Variants in TIMP2 observed in about 807,000 individuals in gnomAD.
TIMP2 encodes TIMP metallopeptidase inhibitor 2.
A neutral mutation model predicts 24.3 loss-of-function variants in TIMP2; 5 were observed. The observed-to-expected ratio is 0.21, with a 90% CI of 0.11 to 0.43. TIMP2 has a LOEUF of 0.43. Among genes scored for constraint, TIMP2 ranks in the 20% least tolerant of loss-of-function variants. The pLI is 1.00. For synonymous variants in TIMP2, 130 were observed against 123.2 expected (o/e 1.06, Z -0.37); for missense variants, 221 against 297.5 (o/e 0.74, Z 1.89).
At chr17:78,907,244 A>G (rs2145789913) in intron 1 of TIMP2, among the ~76,000 whole-genome samples, 1 of 151,320 alleles carries the variant, frequency 6.6e-6, no homozygotes, top group South Asian at 2.1e-4. Flanking sequence ...CGTGTTGCCC[A>G]GGCTGGTCTC....
At position 78,883,141 on chromosome 17, in the gene TIMP2, C is replaced by T. The variant is rs536983145; in HGVS notation, c.131-9222G>A. Among the ~76,000 whole-genome samples the T allele has an allele frequency of 5.3e-5, 8 of 152,372 alleles. No individual in the cohort carries two copies. The South Asian group carries it at 1.7e-3, about 32-fold the overall frequency. On this transcript the variant is annotated intron_variant, in intron 1 of 4. Transcript: ENST00000262768. ...ACCCACCCTCAGGTCCTCCAACCTC[C>T]TCGGCCCCCGGAAGCCAGCAACGGG...
At chr17:78,893,405 GTGTGTGCA>G (rs2069945448) in intron 1 of TIMP2, among the ~76,000 whole-genome samples, 1 of 128,288 alleles carries the variant, frequency 7.8e-6, no homozygotes, top group African/African-American at 3.5e-5. Context: ...ATGCAGGGGT[GTGTGTGCA>G]TAGGGGTGTG....
intron 3 of TIMP2, among the ~76,000 whole-genome samples, chr17:78,869,034 T>C (rs1467138436): frequency 2.0e-5 from 3 of 152,170 alleles, no homozygotes; most frequent in Admixed American, 1.3e-4. Context: ...AGTGCTGAGA[T>C]TGAGAATCCT....
In TIMP2 at chr17:78,891,343, A is replaced by T. The variant is rs547365048; in HGVS notation, c.131-17424T>A. The stretch of plus-strand genomic sequence containing the variant: ...CCATTTTCTTCCCTCTTGGGGTCCC[A>T]GCGCCACACTCTTGCATCTCTGAGA... On this transcript the variant is annotated intron_variant, in intron 1 of 4. Transcript: ENST00000262768. The surrounding 1 kb of genome is among the most constrained non-coding windows in gnomAD (Gnocchi z 4.5). The T allele has an allele frequency of 3.9e-6, 6 of 1,550,244 alleles. No individual in the cohort carries two copies. Among genetic ancestry groups the T allele is most frequent in the Non-Finnish European group, 4.4e-6 (5 of 1,146,930 alleles).
chr17:78,922,297 A>T (rs1363792665), intron 1 of TIMP2: 1 of 152,220 alleles, frequency 6.6e-6, no homozygotes, highest in Non-Finnish European at 1.5e-5. Context: ...CTACCCTGGG[A>T]TGTCCTGGGT....
chr17:78,878,030 C>T (rs575703706), intron 1 of TIMP2, among the ~76,000 whole-genome samples: 1 of 152,168 alleles, frequency 6.6e-6, no homozygotes, highest in African/African-American at 2.4e-5. Flanking sequence ...CAATGGTCCA[C>T]TAAGCCGCAC....
chr17:78,887,574 G>A lies in TIMP2; in HGVS notation c.131-13655C>T, dbSNP rs147414192. ...TAATTTCCGTATTTTTAGTAGAGAC[G>A]GGGTTTCACCCTGTTGGCCAGGCTG... On this transcript the variant is annotated intron_variant, in intron 1 of 4. Coordinates refer to ENST00000262768, the MANE Select transcript of TIMP2 (RefSeq NM_003255.5). 2.2e-3 allele frequency among the ~76,000 whole-genome samples: 333 copies of A among 152,064 alleles called. 1 individual carries two copies. Among genetic ancestry groups the A allele is most frequent in the African/African-American group, 7.6e-3 (316 of 41,484 alleles).
intron 2 of TIMP2, among the ~76,000 whole-genome samples, chr17:78,873,113 T>A (rs985129789): frequency 1.3e-5 from 2 of 151,942 alleles, no homozygotes; most frequent in African/African-American, 4.8e-5. Context: ...TGTGCCTGGT[T>A]TACTTTTTAT....
At chr17:78,906,169 C>G (rs6501263) in intron 1 of TIMP2, among the ~76,000 whole-genome samples, 83,845 of 151,718 alleles carry the variant, frequency 0.55, 23,797 homozygotes, top group African/African-American at 0.69. Flanking sequence ...CCAGGAGTTT[C>G]AGACCAGCCA....
intron 3 of TIMP2, among the ~76,000 whole-genome samples, chr17:78,864,322 C>T (rs2069590714): frequency 6.6e-6 from 1 of 151,388 alleles, no homozygotes; most frequent in Non-Finnish European, 1.5e-5. Context: ...CTCTCCCTGA[C>T]TCCCTTCACT....
intron 1 of TIMP2, among the ~76,000 whole-genome samples, chr17:78,880,913 C>T (rs1358427286): frequency 3.3e-5 from 5 of 152,328 alleles, no homozygotes; most frequent in East Asian, 3.9e-4. Context: ...CAACACCCAA[C>T]GTCTAGACCA....
intron 1 of TIMP2, among the ~76,000 whole-genome samples, chr17:78,923,893 G>A (rs2145800305): frequency 1.3e-5 from 2 of 152,328 alleles, no homozygotes; most frequent in East Asian, 3.9e-4. Context: ...ACTCTGGGCA[G>A]GTGAGGGGGC....
chr17:78,902,892 C>G (rs968922633), intron 1 of TIMP2: 4 of 152,434 alleles, frequency 2.6e-5, no homozygotes, highest in African/African-American at 9.6e-5. Flanking sequence ...CATCTCCAAC[C>G]CAGTCCCACC....
chr17:78,886,331 C>A (rs978914498), intron 1 of TIMP2, among the ~76,000 whole-genome samples: 5 of 152,116 alleles, frequency 3.3e-5, no homozygotes, highest in Non-Finnish European at 7.3e-5. Flanking sequence ...AGGCTGGTTC[C>A]CCCATCAGAC....
chr17:78,863,666 C>T (rs2069585333), intron 3 of TIMP2, among the ~76,000 whole-genome samples: 1 of 152,174 alleles, frequency 6.6e-6, no homozygotes, highest in South Asian at 2.1e-4. Flanking sequence ...CTGCTACAGG[C>T]TACCCTAGCC....
chr17:78,854,994 G>A lies in TIMP2; in HGVS notation c.*673C>T, dbSNP rs2069514012. 6.6e-6 allele frequency: 1 copy of A among 151,658 alleles called. No homozygotes were observed. Among genetic ancestry groups the A allele is most frequent in the Non-Finnish European group, 1.5e-5 (1 of 68,164 alleles). The allele number at this position is 151,658 out of a possible 1,614,324, so 9.4% of individuals were successfully genotyped here. Reference sequence around the variant, plus strand: ...GAGGCTGGAACGCAGCTCAGCTGGGGTTTCTCGCTCCCATTTCTACAAGGC... The same window carrying A: ...GAGGCTGGAACGCAGCTCAGCTGGGATTTCTCGCTCCCATTTCTACAAGGC... On this transcript the variant is annotated 3_prime_UTR_variant, in exon 5 of 5. Coordinates refer to ENST00000262768, the MANE Select transcript of TIMP2 (RefSeq NM_003255.5).
intron 1 of TIMP2, among the ~76,000 whole-genome samples, chr17:78,918,346 C>CGG (rs2070281447): frequency 6.6e-6 from 1 of 152,162 alleles, no homozygotes; most frequent in Non-Finnish European, 1.5e-5. Flanking sequence ...ATCATCGGGG[C>CGG]GGGGTCTCTG....
chr17:78,862,462 C>T lies in TIMP2; in HGVS notation c.341-4816G>A, dbSNP rs545443210. 1.2e-4 allele frequency among the ~76,000 whole-genome samples: 18 copies of T among 152,330 alleles called. No individual in the cohort carries two copies. The East Asian group carries it at 2.9e-3, about 24-fold the overall frequency. ...CCACTGTGGCCATTAACAGCTTCAC[C>T]CCTGCTCCCCCTCCCAGGGAGAGGA... On this transcript the variant is annotated intron_variant, in intron 3 of 4. Transcript: ENST00000262768.
chr17:78,892,251 C>G (rs745769965), intron 1 of TIMP2: 3 of 1,550,894 alleles, frequency 1.9e-6, no homozygotes, highest in South Asian at 2.4e-5. Flanking sequence ...TTGCCCCGGG[C>G]TTGTAGCAAT....
Sources: gnomAD v4.1 joint callset for allele counts (sites outside exome capture counted in the v4.1 genomes callset) on GRCh38, gnomAD v4.1.1 for gene constraint, Gnocchi (gnomAD v3.1) non-coding constraint, MANE v1.5 for transcripts, NCBI Gene and HGNC (gene_info 2026-07-23, HGNC 2026-07-21) for gene names.